PALM: variants seen among roughly 807,000 people sequenced by gnomAD.
The protein encoded by PALM is paralemmin-1.
In PALM, 18 loss-of-function variants were observed where a neutral mutation model predicts 30.7. The ratio of observed to expected loss-of-function variants is 0.59; its 90% CI spans 0.41 to 0.87. The LOEUF (loss-of-function observed/expected upper bound fraction) is 0.87. Among genes scored for constraint, PALM ranks in the 40% least tolerant of loss-of-function variants. The probability of loss-of-function intolerance (pLI) is 0.00; values close to 1 mark genes in which losing one functional copy is unlikely to be tolerated. For missense variants in PALM, 529 were observed against 555.4 expected (o/e 0.95, Z 0.48); for synonymous variants, 286 against 242.8 (o/e 1.18, Z -1.66).
chr19:711,893 G>A (rs894412613), intron 1 of PALM, among the ~76,000 whole-genome samples: 1 of 151,712 alleles, frequency 6.6e-6, no homozygotes, highest in Non-Finnish European at 1.5e-5. Context: ...TAGCTGGGAC[G>A]ACAGCATTGC....
chr19:721,524 C>G (rs1200539192), intron 1 of PALM, among the ~76,000 whole-genome samples: 4 of 152,126 alleles, frequency 2.6e-5, no homozygotes, highest in Non-Finnish European at 5.9e-5. Context: ...CCTTGGCCTC[C>G]CGAAGTGCTA....
chr19:714,647 C>T (rs941951067), intron 1 of PALM, among the ~76,000 whole-genome samples: 2 of 151,776 alleles, frequency 1.3e-5, no homozygotes, highest in Admixed American at 1.3e-4. Context: ...CGTGAGCCAC[C>T]GCGCCCAGCC....
intron 1 of PALM, among the ~76,000 whole-genome samples, chr19:715,107 T>A (rs1413114100): frequency 2.0e-5 from 3 of 152,094 alleles, no homozygotes; most frequent in African/African-American, 7.2e-5. Context: ...CTACTAAAAA[T>A]ACAAAAATTA....
intron 1 of PALM, among the ~76,000 whole-genome samples, chr19:724,570 C>T (rs954922747): frequency 6.6e-6 from 1 of 151,854 alleles, no homozygotes; most frequent in Non-Finnish European, 1.5e-5. Flanking sequence ...ATCCTCCCAC[C>T]TCAGCCTCCC....
rs1285706142 is a variant in PALM at position 742,148 on chromosome 19, C to T, written c.634+1665C>T. Among the ~76,000 whole-genome samples, 3 of 152,056 alleles carry T rather than the reference C, an allele frequency of 2.0e-5. No individual in the cohort carries two copies. The highest frequency in any genetic ancestry group is 4.4e-5 in the Non-Finnish European group (3 of 67,998). ...CTCCAGCCTGGGCCACAGACCAAGA[C>T]CCTGTCTCAAAAACAAGAAAGAGGA... On this transcript the variant is annotated intron_variant, in intron 8 of 8. Coordinates refer to ENST00000338448, the MANE Select transcript of PALM (RefSeq NM_002579.3). The surrounding 1 kb of genome is among the most constrained non-coding windows in gnomAD (Gnocchi z 5.5).
At chr19:713,275 TG>T (rs2032144875) in intron 1 of PALM, among the ~76,000 whole-genome samples, 1 of 151,952 alleles carries the variant, frequency 6.6e-6, no homozygotes, top group Admixed American at 6.6e-5. Context: ...TCTTGGCTCC[TG>T]GGGCATCTGC....
intron 8 of PALM, among the ~76,000 whole-genome samples, chr19:745,254 C>T (rs891247771): frequency 2.0e-5 from 3 of 152,190 alleles, no homozygotes; most frequent in African/African-American, 4.8e-5. Context: ...AGAAACAGGC[C>T]CCGATGCGGG....
chr19:741,403 A>T (rs1249994546), intron 8 of PALM, among the ~76,000 whole-genome samples: 3 of 125,900 alleles, frequency 2.4e-5, no homozygotes, highest in Non-Finnish European at 3.4e-5. Context: ...GTGAGGGGAG[A>T]CGGGCTGCAG....
At position 709,553 on chromosome 19, in the gene PALM, C is replaced by T. The variant is rs2032000498; in HGVS notation, c.5+402C>T. 1.3e-5 allele frequency among the ~76,000 whole-genome samples: 2 copies of T among 152,104 alleles called. No individual in the cohort carries two copies. Among genetic ancestry groups the T allele is most frequent in the Admixed American group, 1.3e-4 (2 of 15,290 alleles). On this transcript the variant is annotated intron_variant, in intron 1 of 8. Coordinates refer to ENST00000338448, the MANE Select transcript of PALM (RefSeq NM_002579.3). The surrounding 1 kb of genome is among the most constrained non-coding windows in gnomAD (Gnocchi z 4.3). ...TCCCCAGATTGCACCGGTCCGGCCT[C>T]GCGCTCACGCACCCTTCCCCCGCCC...
chr19:736,945 C>T (rs1349609893), intron 7 of PALM, among the ~76,000 whole-genome samples: 4 of 152,174 alleles, frequency 2.6e-5, no homozygotes, highest in Non-Finnish European at 5.9e-5. Flanking sequence ...CCCAGCTACT[C>T]GGGACGCTGA....
chr19:728,469 G>A (rs6510920), intron 4 of PALM, among the ~76,000 whole-genome samples: 65,590 of 151,850 alleles, frequency 0.43, 14,240 homozygotes, highest in Middle Eastern at 0.5. Flanking sequence ...AAGAAAGCAC[G>A]TTGGGGGTGT....
chr19:713,146 A>G (rs2032139136), intron 1 of PALM, among the ~76,000 whole-genome samples: 1 of 148,708 alleles, frequency 6.7e-6, no homozygotes, highest in South Asian at 2.1e-4. Flanking sequence ...GGTTTTTGGT[A>G]CCTGTGTCTG....
chr19:718,114 G>A (rs1418350693), intron 1 of PALM, among the ~76,000 whole-genome samples: 8 of 152,156 alleles, frequency 5.3e-5, no homozygotes, highest in Non-Finnish European at 1.0e-4. Context: ...CCCAGGAGGC[G>A]GAGGTTGCAG....
chr19:717,206 G>A (rs1257547798), intron 1 of PALM, among the ~76,000 whole-genome samples: 1 of 152,168 alleles, frequency 6.6e-6, no homozygotes, highest in African/African-American at 2.4e-5. Context: ...GGGATTACAG[G>A]TGTGAGCCAC....
rs754671011 is a variant in PALM at position 746,340 on chromosome 19, C to G, written c.690C>G (p.Ser230=). Residue 230 remains serine (S), a synonymous_variant, in exon 9 of 9, where the codon TCC becomes TCG. Coordinates refer to ENST00000338448, the MANE Select transcript of PALM (RefSeq NM_002579.3). This position sits in a 1 kb window ranked among gnomAD's most constrained non-coding sequence, Gnocchi z 7.1. ...ACGGGATCCACCCCCTGAGCTCCTC[C>G]GAGGTGGACGAACTCATCCACAAAG... The part of the protein sequence containing the change: ...AENGIHPLSS[S]EVDELIHKAD... 6.8e-6 allele frequency: 11 copies of G among 1,613,158 alleles called. No individual in the cohort carries two copies. The highest frequency in any genetic ancestry group is 9.3e-6 in the Non-Finnish European group (11 of 1,179,398).
At chr19:735,066 T>G in intron 6 of PALM, 1 of 988,296 alleles carries the variant, frequency 1.0e-6, no homozygotes, top group Non-Finnish European at 1.2e-6. Flanking sequence ...GAATGAACTG[T>G]GAGGCTGCCT....
intron 7 of PALM, among the ~76,000 whole-genome samples, chr19:739,992 A>G (rs925894524): frequency 6.6e-6 from 1 of 152,180 alleles, no homozygotes; most frequent in Non-Finnish European, 1.5e-5. Flanking sequence ...TCCGGGAACA[A>G]TGAAGGCTTT....
In PALM at chr19:726,996, CCCT is replaced by C; in HGVS notation, c.58-9_58-7del. 3.7e-6 allele frequency: 5 copies of C among 1,335,658 alleles called. No individual in the cohort carries two copies. Among genetic ancestry groups the C allele is most frequent in the Non-Finnish European group, 5.2e-6 (5 of 961,972 alleles). 82.7% of individuals were successfully genotyped at this position (1,335,658 alleles called of 1,614,324 possible). On this transcript the variant is annotated splice_polypyrimidine_tract_variant and intron_variant, in intron 2 of 8. Coordinates refer to ENST00000338448, the MANE Select transcript of PALM (RefSeq NM_002579.3). ...CACGCCCATCCCTGACCCCACCCGG[CCCT>C]CCCCACAGGAGAAGCGGAAGCGGCA...
At chr19:730,372 C>T (rs1049962014) in intron 4 of PALM, among the ~76,000 whole-genome samples, 6 of 152,148 alleles carry the variant, frequency 3.9e-5, no homozygotes, top group Non-Finnish European at 7.3e-5. Context: ...TGCCAGACCC[C>T]GGGGCTGGGA....
Sources: gnomAD v4.1 joint callset for allele counts (sites outside exome capture counted in the v4.1 genomes callset) on GRCh38, gnomAD v4.1.1 for gene constraint, Gnocchi (gnomAD v3.1) non-coding constraint, MANE v1.5 for transcripts, NCBI Gene and HGNC (gene_info 2026-07-23, HGNC 2026-07-21) for gene names.